Variants in CTCF observed in about 807,000 individuals in gnomAD.
CTCF encodes the protein CCCTC-binding factor, also known as transcriptional repressor CTCF.
Under a neutral mutation model 72.3 loss-of-function variants are expected in CTCF, and 7 were observed. The ratio of observed to expected loss-of-function variants is 0.10; its 90% CI spans 0.06 to 0.18. CTCF has a LOEUF of 0.18. CTCF is among the 10% of genes least tolerant of loss of function. The pLI, the probability that CTCF is intolerant of heterozygous loss-of-function variation, is 1.00. For synonymous variants in CTCF, 374 were observed against 315.8 expected, an observed-to-expected ratio of 1.18 and a Z score of -1.95; for missense variants, 516 against 949.1, an observed-to-expected ratio of 0.54 and a Z score of 6.00.
At chr16:67,599,092 T>TGGCCGGGTGCGGTGGCTGAAGC (rs1191850702) in intron 2 of CTCF, among the ~76,000 whole-genome samples, 8 of 152,158 alleles carry the variant, frequency 5.3e-5, no homozygotes, top group Non-Finnish European at 1.0e-4. Flanking sequence ...GTGGCTGAAG[T>TGGCCGGGTGCGGTGGCTGAAGC]GGCCGGGTGC....
chr16:67,607,990 G>A (rs536570887), intron 2 of CTCF, among the ~76,000 whole-genome samples: 55 of 142,816 alleles, frequency 3.9e-4, no homozygotes, highest in Middle Eastern at 7.4e-3. Context: ...TTGCACTCCA[G>A]CCTGGGCGAC....
intron 2 of CTCF, among the ~76,000 whole-genome samples, chr16:67,575,733 G>A (rs1012712064): frequency 6.6e-6 from 1 of 152,006 alleles, no homozygotes; most frequent in Non-Finnish European, 1.5e-5. Flanking sequence ...GTGAGCCACC[G>A]CGCCCAGCCA....
rs10587869 is a variant in CTCF at position 67,633,781 on chromosome 16, G to GACACACAC, written c.1838-2882_1838-2875dup. ...AAAAAGAATTTCCGTCTTGTCCCCT[G>GACACACAC]ACACACACACACACACACACACACA... On this transcript the variant is annotated intron_variant, in intron 10 of 11. Transcript: ENST00000264010. Among the ~76,000 whole-genome samples, 184 of 143,194 alleles carry GACACACAC rather than the reference G, an allele frequency of 1.3e-3. 2 individuals are homozygous for GACACACAC. The highest frequency in any genetic ancestry group is 9.5e-3 in the South Asian group (42 of 4,444). 93.9% of individuals were successfully genotyped at this position (143,194 alleles called of 152,430 possible).
intron 2 of CTCF, among the ~76,000 whole-genome samples, chr16:67,582,528 A>G (rs974767310): frequency 5.3e-5 from 8 of 151,942 alleles, no homozygotes; most frequent in Non-Finnish European, 8.8e-5. Context: ...CTCGGTCTCT[A>G]CTAAAAATAT....
intron 2 of CTCF, among the ~76,000 whole-genome samples, chr16:67,606,797 T>C (rs564091438): frequency 1.5e-4 from 23 of 148,498 alleles, no homozygotes; most frequent in African/African-American, 5.7e-4. Flanking sequence ...TTCACTCTTA[T>C]CGCCCAGGCT....
At chr16:67,597,130 G>A (rs960883436) in intron 2 of CTCF, among the ~76,000 whole-genome samples, 2 of 152,014 alleles carry the variant, frequency 1.3e-5, no homozygotes, top group African/African-American at 2.4e-5. Flanking sequence ...ACCTCCCCAG[G>A]TTCAGGAGAT....
chr16:67,583,236 C>T (rs2051614882), intron 2 of CTCF, among the ~76,000 whole-genome samples: 1 of 151,892 alleles, frequency 6.6e-6, no homozygotes, highest in East Asian at 1.9e-4. Flanking sequence ...ATCCTCCAGC[C>T]TTGGCCTCTC....
At chr16:67,636,567 G>GGGTA in intron 10 of CTCF, 123 bp from the exon 11 acceptor site, 1 of 294,306 alleles carries the variant, frequency 3.4e-6, no homozygotes, top group Non-Finnish European at 5.2e-6. Context: ...AAGAAAGAAA[G>GGGTA]TGTATATATA....
At chr16:67,600,140 T>A (rs1178047981) in intron 2 of CTCF, among the ~76,000 whole-genome samples, 1 of 152,150 alleles carries the variant, frequency 6.6e-6, no homozygotes, top group Non-Finnish European at 1.5e-5. Flanking sequence ...TGGTTCTTGA[T>A]GGATGGTACC....
At chr16:67,586,212 C>T (rs529288590) in intron 2 of CTCF, among the ~76,000 whole-genome samples, 1 of 151,890 alleles carries the variant, frequency 6.6e-6, no homozygotes, top group Non-Finnish European at 1.5e-5. Context: ...AACAGCCTGG[C>T]CAACATAGAA....
intron 10 of CTCF, among the ~76,000 whole-genome samples, chr16:67,632,510 A>T (rs925546497): frequency 6.6e-6 from 1 of 152,210 alleles, no homozygotes; most frequent in Non-Finnish European, 1.5e-5. Flanking sequence ...ATGCAGTCTT[A>T]CTTGTCCTGA....
chr16:67,610,741 A>G, intron 2 of CTCF, 83 bp from the exon 3 acceptor site: 1 of 1,011,582 alleles, frequency 9.9e-7, no homozygotes, highest in East Asian at 2.6e-5. Context: ...TCATTCACCA[A>G]AGGGTCTTTT....
chr16:67,579,484 G>C (rs1003716617), intron 2 of CTCF, among the ~76,000 whole-genome samples: 4 of 151,532 alleles, frequency 2.6e-5, no homozygotes, highest in Non-Finnish European at 5.9e-5. Context: ...TCAGCCTCCC[G>C]AGTAGCTGGG....
intron 2 of CTCF, among the ~76,000 whole-genome samples, chr16:67,571,889 T>A (rs2051426382): frequency 6.6e-6 from 1 of 152,166 alleles, no homozygotes; most frequent in Non-Finnish European, 1.5e-5. Context: ...GGAACAGACC[T>A]TCTATAAATA....
chr16:67,616,458 T>A (rs1329133272), intron 4 of CTCF: 1 of 333,546 alleles, frequency 3.0e-6, no homozygotes, highest in African/African-American at 2.1e-5. Flanking sequence ...ACCAGGATAT[T>A]CACAAAATAG....
intron 7 of CTCF, among the ~76,000 whole-genome samples, chr16:67,625,218 C>G (rs1035794830): frequency 6.6e-6 from 1 of 151,840 alleles, no homozygotes; most frequent in African/African-American, 2.4e-5. Flanking sequence ...GAGATGGAGT[C>G]TTTGTCGCCC....
chr16:67,575,354 C>T (rs2051481325), intron 2 of CTCF, among the ~76,000 whole-genome samples: 1 of 151,758 alleles, frequency 6.6e-6, no homozygotes, highest in Admixed American at 6.6e-5. Flanking sequence ...TATTTTAATC[C>T]CATTAGGACT....
rs76616230 is a variant in CTCF, at chr16:67,629,736, C to T, written c.1837+203C>T. Among the ~76,000 whole-genome samples, 18,766 of 106,908 alleles carry T rather than the reference C, an allele frequency of 0.18. 2,108 individuals are homozygous for T. The highest frequency in any genetic ancestry group is 0.37 in the African/African-American group (10,966 of 29,912). 70.1% of individuals were successfully genotyped at this position (106,908 alleles called of 152,430 possible). A position where few individuals can be genotyped will look rare whatever the true frequency, so the allele number is the denominator to read the frequency against. Reference sequence around the variant, plus strand: ...TCTTTTTTCTTCGTGGCATTCCGCTCATTAATGCCCTTTTTTTTTTTTTTT... The same window carrying T: ...TCTTTTTTCTTCGTGGCATTCCGCTTATTAATGCCCTTTTTTTTTTTTTTT... On this transcript the variant is annotated intron_variant, in intron 10 of 11. Coordinates refer to ENST00000264010, the MANE Select transcript of CTCF (RefSeq NM_006565.4).
At chr16:67,570,109 C>T (rs1246150375) in intron 1 of CTCF, among the ~76,000 whole-genome samples, 1 of 149,560 alleles carries the variant, frequency 6.7e-6, no homozygotes, top group Middle Eastern at 3.2e-3. Context: ...CGGAGTCTCG[C>T]TGTGTTGCCC....
Sources: gnomAD v4.1 joint callset for allele counts (sites outside exome capture counted in the v4.1 genomes callset) on GRCh38, gnomAD v4.1.1 for gene constraint, MANE v1.5 for transcripts, NCBI Gene and HGNC (gene_info 2026-07-23, HGNC 2026-07-21) for gene names.